SPSB1: variants seen among roughly 807,000 people sequenced by gnomAD.
The protein encoded by SPSB1 is SPRY domain-containing SOCS box protein 1.
Under a neutral mutation model 21.2 loss-of-function variants are expected in SPSB1, and 8 were observed. That is an observed-to-expected ratio of 0.38 (90% confidence interval 0.22 to 0.68). The LOEUF is 0.68. Ranked by LOEUF, SPSB1 falls within the 30% of genes least tolerant of loss-of-function variation. SPSB1 has a pLI of 0.53. For missense variants in SPSB1, 242 were observed against 377.8 expected (o/e 0.64, Z 2.98); for synonymous variants, 169 against 161.7 (o/e 1.05, Z -0.34).
At position 9,298,423 on chromosome 1, in the gene SPSB1, TGAAC is replaced by T. The variant is rs1386292329; in HGVS notation, c.-150+5356_-150+5359del. Among the ~76,000 whole-genome samples the T allele has an allele frequency of 8.3e-4, 77 of 92,328 alleles. 1 individual carries two copies. Among genetic ancestry groups the T allele is most frequent in the Admixed American group, 4.1e-3 (39 of 9,434 alleles). 60.6% of individuals were successfully genotyped at this position (92,328 alleles called of 152,430 possible). A position where few individuals can be genotyped will look rare whatever the true frequency, so the allele number is the denominator to read the frequency against. ...ATGAGTGAACGAATGAATGAATAAG[TGAAC>T]GAATGAATGAATAAGTGAATGAATA... is the stretch of plus-strand genomic sequence containing the variant. On this transcript the variant is annotated intron_variant, in intron 1 of 2. Coordinates refer to ENST00000328089, the MANE Select transcript of SPSB1 (RefSeq NM_025106.4).
At chr1:9,361,592 C>T (rs1316386606) in intron 2 of SPSB1, among the ~76,000 whole-genome samples, 2 of 152,226 alleles carry the variant, frequency 1.3e-5, no homozygotes, top group Non-Finnish European at 2.9e-5. Context: ...CGTGGCCGGG[C>T]GGAAGTAGGG....
chr1:9,356,685 T>A lies in SPSB1; in HGVS notation c.694+100T>A. 3.4e-6 allele frequency: 5 copies of A among 1,481,436 alleles called. No individual in the cohort carries two copies. Among genetic ancestry groups the A allele is most frequent in the Non-Finnish European group, 4.5e-6 (5 of 1,119,586 alleles). The allele number at this position is 1,481,436 out of a possible 1,614,324, so 91.8% of individuals were successfully genotyped here. ...GTTGATTCATTGGAACTAGAGTGTT[T>A]TGAAGACGATATTCCAGTGTATTCA... On this transcript the variant is annotated intron_variant, in intron 2 of 2. Coordinates refer to ENST00000328089, the MANE Select transcript of SPSB1 (RefSeq NM_025106.4). The surrounding 1 kb of genome is among the most constrained non-coding windows in gnomAD (Gnocchi z 7.4).
intron 1 of SPSB1, among the ~76,000 whole-genome samples, chr1:9,338,719 G>T (rs1454067520): frequency 6.6e-6 from 1 of 152,268 alleles, no homozygotes; most frequent in South Asian, 2.1e-4. Context: ...GCCTTTTGAG[G>T]TCTGAGGGGG....
intron 1 of SPSB1, among the ~76,000 whole-genome samples, chr1:9,330,421 T>C (rs752118225): frequency 6.6e-6 from 1 of 152,148 alleles, no homozygotes; most frequent in Non-Finnish European, 1.5e-5. Context: ...GCCAAGATTG[T>C]GTCACTGCGC....
In SPSB1 at chr1:9,363,415, G is replaced by A. The variant is rs1055434345; in HGVS notation, c.695-4033G>A. Among the ~76,000 whole-genome samples, 5 of 152,140 alleles carry A rather than the reference G, an allele frequency of 3.3e-5. No individual in the cohort carries two copies. The highest frequency in any genetic ancestry group is 1.2e-4 in the African/African-American group (5 of 41,414). On this transcript the variant is annotated intron_variant, in intron 2 of 2. Transcript: ENST00000328089. The surrounding 1 kb of genome is among the most constrained non-coding windows in gnomAD (Gnocchi z 4.5). ...GTTTATTCAGTGAGATCCAGAGATG[G>A]CCAGGCTGTGGCAAGTCCTCTACCC...
intron 2 of SPSB1, among the ~76,000 whole-genome samples, chr1:9,358,151 G>A (rs920403705): frequency 3.3e-5 from 5 of 152,208 alleles, no homozygotes; most frequent in African/African-American, 9.7e-5. Flanking sequence ...GTCAGCCTTT[G>A]AAAGATACTG....
chr1:9,298,454 GTGAA>G (rs796930232), intron 1 of SPSB1, among the ~76,000 whole-genome samples: 2 of 119,180 alleles, frequency 1.7e-5, no homozygotes, highest in African/African-American at 2.7e-5. Context: ...GAATGAATAA[GTGAA>G]TGAATGAATG....
intron 2 of SPSB1, among the ~76,000 whole-genome samples, chr1:9,364,965 C>T (rs1385793545): frequency 6.6e-6 from 1 of 152,204 alleles, no homozygotes; most frequent in East Asian, 1.9e-4. Context: ...GATTCTCCTG[C>T]CTTAGCCTCC....
intron 1 of SPSB1, among the ~76,000 whole-genome samples, chr1:9,339,086 C>G (rs571896902): frequency 1.3e-5 from 2 of 152,150 alleles, no homozygotes; most frequent in Admixed American, 1.3e-4. Flanking sequence ...GAGCTTGCTC[C>G]GGCCAGGGCT....
intron 2 of SPSB1, among the ~76,000 whole-genome samples, chr1:9,357,143 G>GA (rs1640381047): frequency 1.4e-5 from 1 of 73,702 alleles, no homozygotes; most frequent in Admixed American, 1.6e-4. Flanking sequence ...GTGGATGGAT[G>GA]GATGGGTGGA....
At chr1:9,340,641 C>G (rs1309368060) in intron 1 of SPSB1, among the ~76,000 whole-genome samples, 1 of 152,258 alleles carries the variant, frequency 6.6e-6, no homozygotes, top group African/African-American at 2.4e-5. Flanking sequence ...CCCGCAGCAC[C>G]TGGGTCTGCG....
chr1:9,320,002 G>A (rs1639689809), intron 1 of SPSB1, among the ~76,000 whole-genome samples: 1 of 152,140 alleles, frequency 6.6e-6, no homozygotes, highest in Non-Finnish European at 1.5e-5. Flanking sequence ...CGACTTCTCA[G>A]GGGTGGAGGG....
chr1:9,353,998 G>A (rs931017351), intron 1 of SPSB1, among the ~76,000 whole-genome samples: 1 of 152,168 alleles, frequency 6.6e-6, no homozygotes, highest in Non-Finnish European at 1.5e-5. Context: ...AGATAAGGGG[G>A]TCGGGGCACC....
At chr1:9,330,588 A>AG (rs1639898961) in intron 1 of SPSB1, among the ~76,000 whole-genome samples, 1 of 152,054 alleles carries the variant, frequency 6.6e-6, no homozygotes, top group Non-Finnish European at 1.5e-5. Context: ...ACGTATCCCT[A>AG]ACTTCACCCG....
chr1:9,334,955 C>A (rs12097920), intron 1 of SPSB1, among the ~76,000 whole-genome samples: 4 of 152,128 alleles, frequency 2.6e-5, no homozygotes, highest in Non-Finnish European at 5.9e-5. Flanking sequence ...TCCGTGGACG[C>A]GGGTTGCTTG....
intron 1 of SPSB1, among the ~76,000 whole-genome samples, chr1:9,343,175 G>T (rs887784327): frequency 6.6e-6 from 1 of 152,154 alleles, no homozygotes; most frequent in South Asian, 2.1e-4. Flanking sequence ...CCTCTGTCTT[G>T]TTCCAAAACA....
At chr1:9,331,870 T>G (rs995161212) in intron 1 of SPSB1, among the ~76,000 whole-genome samples, 2 of 152,230 alleles carry the variant, frequency 1.3e-5, no homozygotes, top group African/African-American at 4.8e-5. Context: ...AGGTTGAGCT[T>G]CTTTTCCTAC....
chr1:9,338,842 C>G (rs1042076372), intron 1 of SPSB1, among the ~76,000 whole-genome samples: 1 of 151,800 alleles, frequency 6.6e-6, no homozygotes, highest in Non-Finnish European at 1.5e-5. Context: ...CTGTGCTTTC[C>G]TGAATGGGAT....
At chr1:9,303,412 G>A (rs1639365266) in intron 1 of SPSB1, among the ~76,000 whole-genome samples, 2 of 152,190 alleles carry the variant, frequency 1.3e-5, no homozygotes, top group African/African-American at 2.4e-5. Context: ...CTCCAACCAC[G>A]TGACCAGTTA....
Sources: gnomAD v4.1 joint callset for allele counts (sites outside exome capture counted in the v4.1 genomes callset) on GRCh38, gnomAD v4.1.1 for gene constraint, Gnocchi (gnomAD v3.1) non-coding constraint, MANE v1.5 for transcripts, NCBI Gene and HGNC (gene_info 2026-07-23, HGNC 2026-07-21) for gene names.